CADM2: variants seen among roughly 807,000 people sequenced by gnomAD.
The protein encoded by CADM2 is immunoglobulin superfamily member 4D.
In CADM2, 12 loss-of-function variants were observed where a neutral mutation model predicts 49.8. The ratio of observed to expected loss-of-function variants is 0.24; its 90% CI spans 0.15 to 0.39. The LOEUF (loss-of-function observed/expected upper bound fraction) is 0.39. CADM2 is among the 10% of genes least tolerant of loss of function. The probability of loss-of-function intolerance (pLI) is 1.00; values close to 1 mark genes in which losing one functional copy is unlikely to be tolerated. For missense variants in CADM2, 378 were observed against 492.3 expected, an observed-to-expected ratio of 0.77 and a Z score of 2.20; for synonymous variants, 214 against 175.4, an observed-to-expected ratio of 1.22 and a Z score of -1.74.
intron 3 of CADM2, among the ~76,000 whole-genome samples, chr3:85,834,064 C>A (rs2074300022): frequency 6.6e-6 from 1 of 151,562 alleles, no homozygotes; most frequent in East Asian, 2.0e-4. Context: ...AAGTGCCAAC[C>A]ATCTATCAAA....
In CADM2 at chr3:85,797,232, A is replaced by T. The variant is rs1327018793; in HGVS notation, c.89-4815A>T. On this transcript the variant is annotated intron_variant, in intron 2 of 9. Transcript: ENST00000383699. The stretch of plus-strand genomic sequence containing the variant: ...TAGGTGGAAACTTGTTATTTTTTGG[A>T]TAGAAACCATCTGAGTTTTAGAACT... Among the ~76,000 whole-genome samples, 3 of 151,950 alleles carry T rather than the reference A, an allele frequency of 2.0e-5. No individual in the cohort carries two copies. The East Asian group carries it at 5.8e-4, about 29-fold the overall frequency.
At chr3:85,668,295 CAAAAAA>C (rs11447925) in intron 1 of CADM2, among the ~76,000 whole-genome samples, 2 of 81,774 alleles carry the variant, frequency 2.4e-5, no homozygotes, top group African/African-American at 9.0e-5. Flanking sequence ...AGTACCAAAG[CAAAAAA>C]AAAAAAAAAA....
intron 1 of CADM2, among the ~76,000 whole-genome samples, chr3:85,605,357 A>G (rs2063514883): frequency 6.6e-6 from 1 of 152,034 alleles, no homozygotes; most frequent in African/African-American, 2.4e-5. Context: ...CAGGATTAAG[A>G]GAGAAGAATT....
intron 1 of CADM2, among the ~76,000 whole-genome samples, chr3:85,593,346 G>A (rs540916637): frequency 1.3e-4 from 20 of 151,998 alleles, no homozygotes; most frequent in African/African-American, 3.6e-4. Flanking sequence ...AAAAATCAAA[G>A]CAAGATTTTT....
intron 1 of CADM2, among the ~76,000 whole-genome samples, chr3:85,124,788 C>T (rs1165594623): frequency 2.0e-5 from 3 of 152,072 alleles, no homozygotes; most frequent in African/African-American, 7.2e-5. Flanking sequence ...CAACCCAAAG[C>T]TTATATTACA....
chr3:86,061,170 A>G (rs1738594283), intron 8 of CADM2, among the ~76,000 whole-genome samples: 1 of 152,104 alleles, frequency 6.6e-6, no homozygotes, highest in African/African-American at 2.4e-5. Flanking sequence ...TTAAAGACTC[A>G]TGCTGATTAT....
chr3:85,834,481 C>T (rs950406594), intron 3 of CADM2, among the ~76,000 whole-genome samples: 43 of 151,752 alleles, frequency 2.8e-4, no homozygotes, highest in African/African-American at 1.0e-3. Context: ...CCACTTTCTA[C>T]TTCCTAATCA....
In CADM2 at chr3:85,989,441, CA is replaced by C. The variant is rs369503903; in HGVS notation, c.970+27798del. Among the ~76,000 whole-genome samples, 840 of 152,132 alleles carry C rather than the reference CA, an allele frequency of 5.5e-3. 1 individual carries two copies. Among genetic ancestry groups the C allele is most frequent in the Middle Eastern group, 0.024 (7 of 294 alleles). On this transcript the variant is annotated intron_variant, in intron 8 of 9. Transcript: ENST00000383699. ...ACGAGGACACTGGGGGACAGGGGACCAAAATTCAGACCACTTTTTTCTCTTG... is the reference window on the plus strand; with the variant it reads ...ACGAGGACACTGGGGGACAGGGGACCAAATTCAGACCACTTTTTTCTCTTG...
At chr3:85,573,700 C>G (rs1406309337) in intron 1 of CADM2, among the ~76,000 whole-genome samples, 2 of 152,182 alleles carry the variant, frequency 1.3e-5, no homozygotes, top group African/African-American at 2.4e-5. Context: ...ATGTCCATCT[C>G]TCAGGTATCT....
At chr3:85,023,863 G>C in intron 1 of CADM2, among the ~76,000 whole-genome samples, 1 of 151,868 alleles carries the variant, frequency 6.6e-6, no homozygotes, top group Non-Finnish European at 1.5e-5. Flanking sequence ...TTTTCTATGT[G>C]CTTAAGAATA....
chr3:85,663,683 G>A (rs1474471185), intron 1 of CADM2, among the ~76,000 whole-genome samples: 1 of 151,970 alleles, frequency 6.6e-6, no homozygotes, highest in Non-Finnish European at 1.5e-5. Context: ...TCCTCCATCA[G>A]ATGTTTTCAA....
chr3:85,598,196 T>G (rs2063298944), intron 1 of CADM2, among the ~76,000 whole-genome samples: 1 of 152,020 alleles, frequency 6.6e-6, no homozygotes, highest in African/African-American at 2.4e-5. Flanking sequence ...AAGATCATCA[T>G]TTTTGAAAAA....
At chr3:85,674,501 T>C (rs1244540597) in intron 1 of CADM2, among the ~76,000 whole-genome samples, 1 of 152,132 alleles carries the variant, frequency 6.6e-6, no homozygotes, top group African/African-American at 2.4e-5. Context: ...AGATGAAAAA[T>C]TGCTATGAAA....
intron 2 of CADM2, among the ~76,000 whole-genome samples, chr3:85,755,135 C>T (rs969242085): frequency 3.3e-5 from 5 of 152,114 alleles, no homozygotes; most frequent in African/African-American, 1.2e-4. Flanking sequence ...GTCAGTTGCA[C>T]AAGACCATCC....
intron 1 of CADM2, among the ~76,000 whole-genome samples, chr3:85,484,164 CT>C (rs1240484928): frequency 1.3e-5 from 2 of 151,762 alleles, no homozygotes; most frequent in African/African-American, 4.8e-5. Context: ...AGGCTACAAA[CT>C]TTTTTCCAGG....
chr3:85,109,158 A>G (rs1053038833), intron 1 of CADM2, among the ~76,000 whole-genome samples: 4 of 152,048 alleles, frequency 2.6e-5, no homozygotes, highest in Non-Finnish European at 4.4e-5. Context: ...TTACTTAAAA[A>G]AACTTTTCAT....
At chr3:85,331,002 G>A (rs1444712011) in intron 1 of CADM2, among the ~76,000 whole-genome samples, 1 of 151,924 alleles carries the variant, frequency 6.6e-6, no homozygotes, top group Non-Finnish European at 1.5e-5. Context: ...AACGTTTATG[G>A]ATATATAATA....
chr3:85,463,987 A>T (rs144522729), intron 1 of CADM2, among the ~76,000 whole-genome samples: 1 of 152,174 alleles, frequency 6.6e-6, no homozygotes, highest in Admixed American at 6.5e-5. Flanking sequence ...TCGAAAGATC[A>T]TATATTGCTT....
At chr3:86,058,673 TA>T (rs929671205) in intron 8 of CADM2, among the ~76,000 whole-genome samples, 5 of 152,068 alleles carry the variant, frequency 3.3e-5, no homozygotes, top group African/African-American at 1.2e-4. Context: ...TTTCTTTGTA[TA>T]AAAATGTCCT....
Sources: allele counts gnomAD v4.1 joint callset (sites outside exome capture counted in the v4.1 genomes callset), GRCh38; gene constraint gnomAD v4.1.1; transcripts MANE v1.5; gene names NCBI Gene and HGNC (gene_info 2026-07-23, HGNC 2026-07-21).